KIF26B: variants seen among roughly 807,000 people sequenced by gnomAD.
KIF26B encodes the protein kinesin family member 26B, also known as kinesin-like protein KIF26B.
In KIF26B, 63 loss-of-function variants were observed where a neutral mutation model predicts 151.2. The observed-to-expected ratio is 0.42, with a 90% CI of 0.34 to 0.51. KIF26B has a LOEUF of 0.51. Ranked by LOEUF, KIF26B falls within the 20% of genes least tolerant of loss-of-function variation. KIF26B has a pLI of 0.07. For synonymous variants in KIF26B, 1,357 were observed against 1,262.1 expected (o/e 1.08, Z -1.59); for missense variants, 2,813 against 2,913.6 (o/e 0.97, Z 0.79).
At position 245,270,431 on chromosome 1, in the gene KIF26B, T is replaced by C. The variant is rs565612970; in HGVS notation, c.466-96403T>C. ...CCTTCCCTTTCCCTTTCCTTTCCTT[T>C]CTTTTTGTGTTTCTATAATCATGGC... On this transcript the variant is annotated intron_variant, in intron 2 of 14. Coordinates refer to ENST00000407071, the MANE Select transcript of KIF26B (RefSeq NM_018012.4). Among the ~76,000 whole-genome samples the C allele has an allele frequency of 2.2e-4, 33 of 151,764 alleles. 2 individuals are homozygous for C. In the South Asian group the frequency reaches 6.3e-3, roughly 29 times the overall value.
chr1:245,286,950 A>G (rs530188570), intron 2 of KIF26B, among the ~76,000 whole-genome samples: 1 of 152,282 alleles, frequency 6.6e-6, no homozygotes. Flanking sequence ...TCTACTAAAA[A>G]TACAAAAAAT....
At position 245,702,382 on chromosome 1, in the gene KIF26B, C is replaced by T. The variant is rs1335152192; in HGVS notation, c.6179-76C>T. 1 of 1,550,328 alleles carries T rather than the reference C, an allele frequency of 6.5e-7. No homozygotes were observed. Among genetic ancestry groups the T allele is most frequent in the African/African-American group, 1.4e-5 (1 of 73,696 alleles). ...CAAGGGGTAGATGTGGGGGTGGCAG[C>T]TCCAGGCTGAGCCGTCGGGAGTTGC... On this transcript the variant is annotated intron_variant, in intron 14 of 14. Transcript: ENST00000407071. The surrounding 1 kb of genome is among the most constrained non-coding windows in gnomAD (Gnocchi z 4.1).
chr1:245,602,613 C>G lies in KIF26B; in HGVS notation c.1387C>G (p.Arg463Gly), dbSNP rs1202683349. 6.2e-7 allele frequency: 1 copy of G among 1,613,750 alleles called. No homozygotes were observed. The highest frequency in any genetic ancestry group is 8.5e-7 in the Non-Finnish European group (1 of 1,179,744). Residue 463 changes from arginine to glycine, a missense_variant, in exon 6 of 15, where the codon CGA becomes GGA. This residue lies in a region of KIF26B where 676 missense variants were observed against 688.1 expected (regional missense o/e 0.98). Coordinates refer to ENST00000407071, the MANE Select transcript of KIF26B (RefSeq NM_018012.4). The surrounding 1 kb of genome is among the most constrained non-coding windows in gnomAD (Gnocchi z 4.5). ...VMLRICSTLA[R>G]DTSESSSFLK... is the part of the protein sequence containing the mutation. ...GCTTCGCATCTGTTCCACCTTGGCT[C>G]GAGATACTTCAGAATCCAGCTCTTT...
At position 245,234,161 on chromosome 1, in the gene KIF26B, C is replaced by T. The variant is rs554033110; in HGVS notation, c.465+77478C>T. 2.0e-5 allele frequency among the ~76,000 whole-genome samples: 3 copies of T among 151,498 alleles called. No individual in the cohort carries two copies. The South Asian group carries it at 6.3e-4, about 32-fold the overall frequency. The stretch of plus-strand genomic sequence containing the variant: ...ATCGCGCCACTGCACTTCAGCCTGG[C>T]CTTTAGAACGAGACTCCCTCTTAAA... On this transcript the variant is annotated intron_variant, in intron 2 of 14. Transcript: ENST00000407071.
intron 4 of KIF26B, among the ~76,000 whole-genome samples, chr1:245,486,741 G>A (rs1660289253): frequency 6.6e-6 from 1 of 152,102 alleles, no homozygotes; most frequent in African/African-American, 2.4e-5. Context: ...AACAATCACA[G>A]CTCACTGCAG....
intron 3 of KIF26B, among the ~76,000 whole-genome samples, chr1:245,383,987 A>G (rs1290276616): frequency 6.6e-6 from 1 of 152,224 alleles, no homozygotes; most frequent in Non-Finnish European, 1.5e-5. Context: ...GACAGCAAAG[A>G]GAGTACAAAA....
At chr1:245,616,689 T>C (rs1317087480) in intron 9 of KIF26B, among the ~76,000 whole-genome samples, 2 of 152,178 alleles carry the variant, frequency 1.3e-5, no homozygotes, top group Non-Finnish European at 2.9e-5. Flanking sequence ...AGGTGTGGAA[T>C]TTTCCCCTTG....
chr1:245,471,037 C>T (rs76490916), intron 4 of KIF26B, among the ~76,000 whole-genome samples: 3,241 of 151,966 alleles, frequency 0.021, 86 homozygotes, highest in African/African-American at 0.064. Flanking sequence ...TTGGCTTCTA[C>T]ATTTATTGTC....
In KIF26B at chr1:245,166,022, C is replaced by A. The variant is rs910478940; in HGVS notation, c.465+9339C>A. Reference sequence around the variant, plus strand: ...TCTTAAAATGAAGAACTACAATCAACAGACTTGCGTGCAAAACCAGGCTCC... The same window carrying A: ...TCTTAAAATGAAGAACTACAATCAAAAGACTTGCGTGCAAAACCAGGCTCC... On this transcript the variant is annotated intron_variant, in intron 2 of 14. Coordinates refer to ENST00000407071, the MANE Select transcript of KIF26B (RefSeq NM_018012.4). This position sits in a 1 kb window ranked among gnomAD's most constrained non-coding sequence, Gnocchi z 4.5. Among the ~76,000 whole-genome samples, 1 of 152,190 alleles carries A rather than the reference C, an allele frequency of 6.6e-6. No homozygotes were observed. Among genetic ancestry groups the A allele is most frequent in the African/African-American group, 2.4e-5 (1 of 41,430 alleles).
intron 2 of KIF26B, among the ~76,000 whole-genome samples, chr1:245,191,665 G>A (rs954173251): frequency 2.0e-5 from 3 of 152,100 alleles, no homozygotes; most frequent in African/African-American, 7.2e-5. Flanking sequence ...AAGGGCAGGC[G>A]ACAATCTGCA....
intron 1 of KIF26B, 67 bp from the exon 2 acceptor site, chr1:245,156,215 G>T: frequency 6.6e-7 from 1 of 1,509,424 alleles, no homozygotes; most frequent in South Asian, 1.3e-5. Flanking sequence ...GCGCACGTAT[G>T]ACCCAGCTCC....
intron 5 of KIF26B, among the ~76,000 whole-genome samples, chr1:245,542,277 C>A (rs1269959384): frequency 6.6e-6 from 1 of 152,192 alleles, no homozygotes; most frequent in African/African-American, 2.4e-5. Context: ...CACTTGAGCC[C>A]AGGAGTTAGA....
At chr1:245,568,276 G>T (rs921612097) in intron 5 of KIF26B, among the ~76,000 whole-genome samples, 2 of 150,152 alleles carry the variant, frequency 1.3e-5, no homozygotes, top group South Asian at 4.2e-4. Context: ...AACACTTTGG[G>T]AAGCCAAGGC....
chr1:245,502,529 CAAAAA>C (rs10596275), intron 4 of KIF26B, among the ~76,000 whole-genome samples: 15 of 96,728 alleles, frequency 1.6e-4, no homozygotes, highest in African/African-American at 5.1e-4. Flanking sequence ...GATTCTGTCT[CAAAAA>C]AAAAAAAAAA....
At chr1:245,649,047 G>A (rs956952588) in intron 10 of KIF26B, among the ~76,000 whole-genome samples, 2 of 152,170 alleles carry the variant, frequency 1.3e-5, no homozygotes, top group South Asian at 2.1e-4. Context: ...TCCAGCCAGC[G>A]CTGTCCTTCC....
chr1:245,686,631 C>T lies in KIF26B; in HGVS notation c.3648C>T (p.Asp1216=). Residue 1216 remains aspartate (D), a synonymous_variant, in exon 12 of 15, where the codon GAC becomes GAT. Transcript: ENST00000407071. The surrounding 1 kb of genome is among the most constrained non-coding windows in gnomAD (Gnocchi z 5.6). ...CCAGCATCATCAGCTTCAACAGCGA[C>T]TGCTCTGCACGGGCCCTGGCCTCGG... The part of the protein sequence containing the change: ...RPTSIISFNS[D]CSARALASGS... 1 of 1,610,984 alleles carries T rather than the reference C, an allele frequency of 6.2e-7. No homozygotes were observed.
chr1:245,635,853 TAA>T (rs1462414048), intron 9 of KIF26B, among the ~76,000 whole-genome samples: 1 of 152,190 alleles, frequency 6.6e-6, no homozygotes, highest in Non-Finnish European at 1.5e-5. Flanking sequence ...AAAAAGACTT[TAA>T]AATTTTCATT....
At position 245,453,911 on chromosome 1, in the gene KIF26B, G is replaced by A. The variant is rs183391021; in HGVS notation, c.1166+34166G>A. On this transcript the variant is annotated intron_variant, in intron 4 of 14. Transcript: ENST00000407071. ...TGTAGAAATGATGTCATTCTGAAAT[G>A]GTATAAATAAAAATTATAGTCAATA... is the stretch of plus-strand genomic sequence containing the variant. 1.6e-3 allele frequency among the ~76,000 whole-genome samples: 241 copies of A among 152,238 alleles called. 1 individual carries two copies. The highest frequency in any genetic ancestry group is 0.014 in the Middle Eastern group (4 of 294).
At chr1:245,457,596 A>T (rs1659564205) in intron 4 of KIF26B, among the ~76,000 whole-genome samples, 1 of 152,102 alleles carries the variant, frequency 6.6e-6, no homozygotes, top group African/African-American at 2.4e-5. Flanking sequence ...TCCCCCTTTC[A>T]TCTATAACAC....
Sources: gnomAD v4.1 joint callset for allele counts (sites outside exome capture counted in the v4.1 genomes callset) on GRCh38, gnomAD v4.1.1 for gene constraint, gnomAD v4.1.1 regional missense constraint, Gnocchi (gnomAD v3.1) non-coding constraint, MANE v1.5 for transcripts, NCBI Gene and HGNC (gene_info 2026-07-23, HGNC 2026-07-21) for gene names.